The following ATG16L2 variants were observed in gnomAD, a reference collection of about 807,000 sequenced individuals.
ATG16L2 encodes the protein autophagy related 16 like 2, also known as protein Atg16l2.
Under a neutral mutation model 84.7 loss-of-function variants are expected in ATG16L2, and 77 were observed. The observed-to-expected ratio is 0.91, with a 90% confidence interval of 0.76 to 1.10. The LOEUF is 1.10. Ranked by LOEUF, ATG16L2 falls within the 50% of genes least tolerant of loss-of-function variation. ATG16L2 has a pLI of 0.00. For missense variants in ATG16L2, 782 were observed against 817.6 expected (o/e 0.96, Z 0.53); for synonymous variants, 361 against 342.8 (o/e 1.05, Z -0.59).
At chr11:72,834,647 A>G (rs1481592753) in intron 5 of ATG16L2, among the ~76,000 whole-genome samples, 1 of 149,672 alleles carries the variant, frequency 6.7e-6, no homozygotes, top group African/African-American at 2.5e-5. Flanking sequence ...CAGTGGCATG[A>G]TCTTGGCTCA....
At chr11:72,820,661 G>C (rs1367716096) in intron 3 of ATG16L2, among the ~76,000 whole-genome samples, 2 of 152,172 alleles carry the variant, frequency 1.3e-5, no homozygotes, top group Non-Finnish European at 2.9e-5. Flanking sequence ...AGGTGGCAGC[G>C]CCAACCGTGC....
intron 1 of ATG16L2, among the ~76,000 whole-genome samples, chr11:72,815,405 G>T (rs948139087): frequency 2.6e-5 from 4 of 152,130 alleles, no homozygotes; most frequent in African/African-American, 9.7e-5. Flanking sequence ...CTACCTTCAG[G>T]GTTGCGAGGC....
At chr11:72,841,340 C>CAAAAAAAAAAA (rs59748827) in intron 5 of ATG16L2, 10 of 373,860 alleles carry the variant, frequency 2.7e-5, no homozygotes, top group East Asian at 9.4e-5. Flanking sequence ...ACTCTGTCTC[C>CAAAAAAAAAAA]AAAAAAAAAA....
chr11:72,823,885 T>A lies in ATG16L2; in HGVS notation c.825-175T>A, dbSNP rs1591306409. 3.8e-6 allele frequency: 3 copies of A among 790,748 alleles called. No homozygotes were observed. In the East Asian group the frequency reaches 7.3e-5, roughly 19 times the overall value. 49.0% of individuals were successfully genotyped at this position (790,748 alleles called of 1,614,324 possible). A position where few individuals can be genotyped will look rare whatever the true frequency, so the allele number is the denominator to read the frequency against. ...TACCAAATCCATTGCTGCCCCGACC[T>A]TCCTGGGACTGATCTGGGTCACCCT... On this transcript the variant is annotated intron_variant, in intron 7 of 17. Coordinates refer to ENST00000321297, the MANE Select transcript of ATG16L2 (RefSeq NM_033388.2).
Position 72,826,683 on chromosome 11 carries a change from T to C in ATG16L2, c.1246-20T>C, listed in dbSNP as rs763436009. 1.4e-5 allele frequency: 23 copies of C among 1,613,958 alleles called. No homozygotes were observed. The highest frequency in any genetic ancestry group is 1.0e-5 in the Non-Finnish European group (12 of 1,179,998). Reference sequence around the variant, plus strand: ...GGGTCTTGGCCAAACTCTTGATCCGTACCTGGGGCCGGGGTACAGGAGACA... The same window carrying C: ...GGGTCTTGGCCAAACTCTTGATCCGCACCTGGGGCCGGGGTACAGGAGACA... On this transcript the variant is annotated intron_variant, in intron 12 of 17. Coordinates refer to ENST00000321297, the MANE Select transcript of ATG16L2 (RefSeq NM_033388.2).
chr11:72,829,062 C>T, intron 17 of ATG16L2, 78 bp downstream of exon 17: 1 of 1,427,674 alleles, frequency 7.0e-7, no homozygotes, highest in South Asian at 1.2e-5. Context: ...ATACTGGGAC[C>T]CTGGAGTCCC....
In ATG16L2 at chr11:72,843,387, A is replaced by G. The variant is rs183174428; in HGVS notation, c.*792A>G. The G allele has an allele frequency of 1.2e-5, 19 of 1,609,986 alleles. No homozygotes were observed. The East Asian group carries it at 4.2e-4, about 36-fold the overall frequency. ...ACACACAATTTAGACAGGGCACAAC[A>G]AAGACCAAAACAAACTCCTAAAAAT... On this transcript the variant is annotated 3_prime_UTR_variant, in exon 6 of 6. Transcript: ENST00000534905.
chr11:72,821,346 C>T, intron 3 of ATG16L2: 1 of 1,159,088 alleles, frequency 8.6e-7, no homozygotes, highest in Admixed American at 4.2e-5. Context: ...GTGCTGGGAG[C>T]GGAGCGCTGG....
chr11:72,829,788 C>G (rs1860565403), downstream of ATG16L2: 1 of 294,718 alleles, frequency 3.4e-6, no homozygotes, highest in African/African-American at 2.3e-5. Flanking sequence ...CTGCTCAAGT[C>G]TAACCATGGA....
chr11:72,815,172 T>C (rs1010602790), intron 1 of ATG16L2, among the ~76,000 whole-genome samples: 6 of 152,186 alleles, frequency 3.9e-5, no homozygotes, highest in African/African-American at 1.4e-4. Context: ...CTCAGAATTG[T>C]TTCTGGGCAG....
intron 5 of ATG16L2, chr11:72,841,496 T>C: frequency 6.2e-7 from 1 of 1,611,332 alleles, no homozygotes; most frequent in Non-Finnish European, 8.5e-7. Flanking sequence ...GAGCTCCTCT[T>C]ATCTGGGCTG....
At chr11:72,830,752 C>T (rs560389568), downstream of ATG16L2, among the ~76,000 whole-genome samples, 8 of 151,722 alleles carry the variant, frequency 5.3e-5, no homozygotes, top group African/African-American at 1.9e-4. Context: ...TGGATGTGAC[C>T]CTGCTGGCCT....
intron 5 of ATG16L2, among the ~76,000 whole-genome samples, chr11:72,835,746 TA>T (rs1391429230): frequency 6.6e-6 from 1 of 151,358 alleles, no homozygotes; most frequent in African/African-American, 2.4e-5. Context: ...TACTGGAACA[TA>T]TTTTTTTTTT....
At position 72,829,564 on chromosome 11, in the gene ATG16L2, C is replaced by T; in HGVS notation, c.*174C>T. 7.3e-7 allele frequency: 1 copy of T among 1,373,382 alleles called. No homozygotes were observed. The highest frequency in any genetic ancestry group is 1.7e-5 in the South Asian group (1 of 58,018). The allele number at this position is 1,373,382 out of a possible 1,614,324, so 85.1% of individuals were successfully genotyped here. On this transcript the variant is annotated 3_prime_UTR_variant, in exon 18 of 18. Coordinates refer to ENST00000321297, the MANE Select transcript of ATG16L2 (RefSeq NM_033388.2). ...ATGAAGTATGGGTTGGGGGATTACGCTAGTTTTTCTTTGTATTTTTATCTC... is the reference window on the plus strand; with the variant it reads ...ATGAAGTATGGGTTGGGGGATTACGTTAGTTTTTCTTTGTATTTTTATCTC...
intron 9 of ATG16L2, 41 bp downstream of exon 9, chr11:72,824,883 G>C: frequency 6.6e-7 from 1 of 1,515,628 alleles, no homozygotes; most frequent in African/African-American, 1.4e-5. Context: ...GCAGTGGTGA[G>C]AGAGTGCAGG....
Position 72,817,844 on chromosome 11 carries a change from G to T in ATG16L2, c.307G>T (p.Val103Phe). 1 of 1,610,774 alleles carries T rather than the reference G, an allele frequency of 6.2e-7. No homozygotes were observed. Among genetic ancestry groups the T allele is most frequent in the Non-Finnish European group, 8.5e-7 (1 of 1,179,930 alleles). Residue 103 changes from valine (V) to phenylalanine (F), a missense_variant, in exon 3 of 18, where the codon GTC (valine) becomes TTC (phenylalanine). Coordinates refer to ENST00000321297, the MANE Select transcript of ATG16L2 (RefSeq NM_033388.2). The stretch of plus-strand genomic sequence containing the variant: ...GGAGGAGGAGGAGGGGCTCCGGCTG[G>T]TCTGTGGTGAGGTAAGTTGGGAAGG... ...WQEEEEGLRL[V>F]CGEMAYQVVE...
intron 8 of ATG16L2, 80 bp downstream of exon 8, chr11:72,824,202 G>C: frequency 6.5e-7 from 1 of 1,544,598 alleles, no homozygotes; most frequent in Non-Finnish European, 8.9e-7. Context: ...TCTGTGCCTC[G>C]ACCTGTCCAT....
At chr11:72,840,150 A>G (rs1860868730) in intron 5 of ATG16L2, among the ~76,000 whole-genome samples, 1 of 152,178 alleles carries the variant, frequency 6.6e-6, no homozygotes, top group Non-Finnish European at 1.5e-5. Flanking sequence ...CTTAGCTGCC[A>G]TAGCGATGCT....
chr11:72,822,602 G>T lies in ATG16L2; in HGVS notation c.710+59G>T. On this transcript the variant is annotated intron_variant, in intron 6 of 17. Transcript: ENST00000321297. The surrounding 1 kb of genome is among the most constrained non-coding windows in gnomAD (Gnocchi z 4.2). ...GTTCTGCCTCCCGCCCCGCCTGCCT[G>T]CGGCGACCCAGGCTGCCGACTGTAC... 6.3e-7 allele frequency: 1 copy of T among 1,589,244 alleles called. No homozygotes were observed. The highest frequency in any genetic ancestry group is 8.6e-7 in the Non-Finnish European group (1 of 1,168,476).
Sources: allele counts gnomAD v4.1 joint callset (sites outside exome capture counted in the v4.1 genomes callset), GRCh38; gene constraint gnomAD v4.1.1; non-coding constraint Gnocchi (gnomAD v3.1); transcripts MANE v1.5; gene names NCBI Gene and HGNC (gene_info 2026-07-23, HGNC 2026-07-21).